The following DNAH9 variants were observed in gnomAD, a reference collection of about 807,000 sequenced individuals.
The protein encoded by DNAH9 is DNAH9 variant protein.
A neutral mutation model predicts 471.6 loss-of-function variants in DNAH9; 345 were observed. That is an observed-to-expected ratio of 0.73 (90% CI 0.67 to 0.80). The LOEUF is 0.80. DNAH9 is among the 30% of genes least tolerant of loss of function. The pLI is 0.00. For missense variants in DNAH9, 5,407 were observed against 5,609.2 expected (o/e 0.96, Z 1.15); for synonymous variants, 2,093 against 2,123.6 (o/e 0.99, Z 0.40).
At chr17:11,603,394 C>T (rs375099018) in intron 1 of DNAH9, among the ~76,000 whole-genome samples, 19 of 152,256 alleles carry the variant, frequency 1.2e-4, no homozygotes, top group Admixed American at 4.6e-4. Context: ...TTTTAAGAAA[C>T]GGAAACGAGA....
intron 14 of DNAH9, among the ~76,000 whole-genome samples, chr17:11,656,752 A>G (rs1469709249): frequency 6.6e-6 from 1 of 152,160 alleles, no homozygotes; most frequent in Non-Finnish European, 1.5e-5. Flanking sequence ...CAGTCAATAC[A>G]TCCCCATTCT....
At chr17:11,668,156 CT>C (rs1176950276) in intron 15 of DNAH9, among the ~76,000 whole-genome samples, 1 of 152,158 alleles carries the variant, frequency 6.6e-6, no homozygotes, top group Non-Finnish European at 1.5e-5. Context: ...ATTATTCATA[CT>C]GTTTTTAAAA....
At chr17:11,853,621 A>G (rs1158849572) in intron 49 of DNAH9, among the ~76,000 whole-genome samples, 5 of 152,246 alleles carry the variant, frequency 3.3e-5, no homozygotes, top group African/African-American at 4.8e-5. Context: ...TTACAGTGCT[A>G]TTCTCTTCAA....
At chr17:11,709,456 C>T (rs1297678949) in intron 26 of DNAH9, among the ~76,000 whole-genome samples, 1 of 152,222 alleles carries the variant, frequency 6.6e-6, no homozygotes, top group Admixed American at 6.5e-5. Context: ...TCAGCTTTTA[C>T]TGGTGTGTAG....
chr17:11,642,843 C>T (rs1365060723), intron 10 of DNAH9, among the ~76,000 whole-genome samples: 1 of 152,038 alleles, frequency 6.6e-6, no homozygotes. Context: ...TCTACCTCTC[C>T]TTGCTGCCTG....
chr17:11,652,656 C>T (rs1383974809), intron 13 of DNAH9, 105 bp from the exon 14 acceptor site: 2 of 1,103,498 alleles, frequency 1.8e-6, no homozygotes, highest in East Asian at 2.4e-5. Context: ...GTAGAAAAGT[C>T]TTATAACACT....
In DNAH9 at chr17:11,932,574, C is replaced by T. The variant is rs1292098340; in HGVS notation, c.12297+369C>T. Among the ~76,000 whole-genome samples the T allele has an allele frequency of 2.0e-5, 3 of 152,144 alleles. No individual in the cohort carries two copies. Among genetic ancestry groups the T allele is most frequent in the Non-Finnish European group, 2.9e-5 (2 of 68,024 alleles). ...GAGATTCTCTGGTAATTCGTATGCA[C>T]GTTAAGGAGGGATGATGCAGTGCTA... On this transcript the variant is annotated intron_variant, in intron 64 of 68. Coordinates refer to ENST00000262442, the MANE Select transcript of DNAH9 (RefSeq NM_001372.4). This position sits in a 1 kb window ranked among gnomAD's most constrained non-coding sequence, Gnocchi z 4.3.
At chr17:11,681,988 A>T (rs2074140675) in intron 19 of DNAH9, among the ~76,000 whole-genome samples, 1 of 152,130 alleles carries the variant, frequency 6.6e-6, no homozygotes, top group Non-Finnish European at 1.5e-5. Context: ...GGTTGAATTA[A>T]AGAGATCATT....
intron 49 of DNAH9, among the ~76,000 whole-genome samples, chr17:11,838,190 C>T (rs1325486766): frequency 6.6e-6 from 1 of 152,118 alleles, no homozygotes; most frequent in African/African-American, 2.4e-5. Context: ...TAGGAAGTCA[C>T]TTGATAATGT....
At chr17:11,663,359 A>G (rs1432396666) in intron 14 of DNAH9, among the ~76,000 whole-genome samples, 1 of 152,188 alleles carries the variant, frequency 6.6e-6, no homozygotes, top group Non-Finnish European at 1.5e-5. Flanking sequence ...TTCTCTGCCT[A>G]TCAGCAGGGA....
intron 67 of DNAH9, among the ~76,000 whole-genome samples, chr17:11,950,791 G>A (rs1975335774): frequency 6.6e-6 from 1 of 152,200 alleles, no homozygotes; most frequent in African/African-American, 2.4e-5. Context: ...AGAGTGAGCT[G>A]TTGACTTAGC....
chr17:11,902,724 T>A lies in DNAH9; in HGVS notation c.11412T>A (p.Leu3804=). 6.2e-7 allele frequency: 1 copy of A among 1,607,450 alleles called. No homozygotes were observed. The highest frequency in any genetic ancestry group is 1.3e-5 in the African/African-American group (1 of 74,548). The change falls in exon 60 of 69, where the codon CTT becomes CTA. Residue 3804 remains leucine (L), a synonymous_variant. Transcript: ENST00000262442. ...SHQAWGAVKV[L]SSMEEFSNLD... Reference sequence around the variant, plus strand: ...GATTCTCTGAAATTTCCCAGGTACTTTCATCAATGGAAGAATTCTCTAATC... The same window carrying A: ...GATTCTCTGAAATTTCCCAGGTACTATCATCAATGGAAGAATTCTCTAATC...
intron 45 of DNAH9, among the ~76,000 whole-genome samples, chr17:11,817,505 G>A (rs1343425779): frequency 4.6e-5 from 7 of 152,142 alleles, no homozygotes; most frequent in African/African-American, 1.7e-4. Context: ...ATATCATACA[G>A]TCTCTGTCAC....
intron 49 of DNAH9, among the ~76,000 whole-genome samples, chr17:11,835,550 C>CT (rs1365975376): frequency 1.1e-4 from 16 of 152,120 alleles, no homozygotes; most frequent in Non-Finnish European, 2.1e-4. Flanking sequence ...TCACAATTAA[C>CT]TTTTTTTCCC....
chr17:11,935,564 C>T (rs1449783989), intron 65 of DNAH9, among the ~76,000 whole-genome samples: 5 of 151,456 alleles, frequency 3.3e-5, no homozygotes, highest in South Asian at 2.1e-4. Context: ...TTAGTAGAGA[C>T]GGGGTTTCAT....
chr17:11,945,457 AAC>A (rs1220116001), intron 67 of DNAH9, among the ~76,000 whole-genome samples: 1 of 151,700 alleles, frequency 6.6e-6, no homozygotes, highest in Non-Finnish European at 1.5e-5. Context: ...GAATCGCTTT[AAC>A]CTGGGATGCT....
intron 60 of DNAH9, among the ~76,000 whole-genome samples, chr17:11,904,115 T>C (rs1362203276): frequency 2.6e-5 from 4 of 152,138 alleles, no homozygotes; most frequent in Non-Finnish European, 4.4e-5. Flanking sequence ...ACGATGAGCA[T>C]GTGGCTATAG....
At chr17:11,845,852 T>A (rs1406763310) in intron 49 of DNAH9, among the ~76,000 whole-genome samples, 1 of 143,162 alleles carries the variant, frequency 7.0e-6, no homozygotes, top group East Asian at 2.1e-4. Flanking sequence ...TTGATGGGGT[T>A]GTTTTTTTCT....
Position 11,933,909 on chromosome 17 carries a change from T to C in DNAH9, c.12327T>C (p.Phe4109=). The change falls in exon 65 of 69, where the codon TTT becomes TTC. Residue 4109 remains phenylalanine (F), a synonymous_variant. Coordinates refer to ENST00000262442, the MANE Select transcript of DNAH9 (RefSeq NM_001372.4). ...KVPYDDLRYL[F]GEIMYGGHIT... ...CCTATGATGATTTGCGCTACCTGTT[T>C]GGAGAGATCATGTATGGAGGCCATA... The C allele has an allele frequency of 6.2e-7, 1 of 1,613,930 alleles. No individual in the cohort carries two copies. Among genetic ancestry groups the C allele is most frequent in the Non-Finnish European group, 8.5e-7 (1 of 1,179,972 alleles).
Sources: allele counts gnomAD v4.1 joint callset (sites outside exome capture counted in the v4.1 genomes callset), GRCh38; gene constraint gnomAD v4.1.1; non-coding constraint Gnocchi (gnomAD v3.1); transcripts MANE v1.5; gene names NCBI Gene and HGNC (gene_info 2026-07-23, HGNC 2026-07-21).